Variants in INPP4B observed in about 807,000 individuals in gnomAD.
INPP4B encodes inositol polyphosphate 4-phosphatase type II.
A neutral mutation model predicts 122.5 loss-of-function variants in INPP4B; 55 were observed. That is an observed-to-expected ratio of 0.45 (90% CI 0.36 to 0.56). The LOEUF (loss-of-function observed/expected upper bound fraction) is 0.56. INPP4B is among the 20% of genes least tolerant of loss of function. The pLI, the probability that INPP4B is intolerant of heterozygous loss-of-function variation, is 0.00. For missense variants in INPP4B, 1,000 were observed against 1,097.7 expected, an observed-to-expected ratio of 0.91 and a Z score of 1.26; for synonymous variants, 403 against 388.7, an observed-to-expected ratio of 1.04 and a Z score of -0.43.
chr4:142,279,934 T>A (rs1750398216), intron 9 of INPP4B, among the ~76,000 whole-genome samples: 1 of 151,798 alleles, frequency 6.6e-6, no homozygotes, highest in Non-Finnish European at 1.5e-5. Context: ...TAATCAATGA[T>A]CCAAACACTT....
At chr4:142,568,246 C>T (rs779670180) in intron 2 of INPP4B, among the ~76,000 whole-genome samples, 17 of 151,414 alleles carry the variant, frequency 1.1e-4, no homozygotes, top group Non-Finnish European at 2.1e-4. Context: ...TTTCTCAAGT[C>T]GTTTCTTTCG....
chr4:142,844,413 T>G (rs1783932099), intron 1 of INPP4B, among the ~76,000 whole-genome samples: 1 of 152,206 alleles, frequency 6.6e-6, no homozygotes, highest in South Asian at 2.1e-4. Context: ...TTTCATAACC[T>G]TTCAAGGACA....
At chr4:142,151,283 C>A (rs1265199913) in intron 17 of INPP4B, among the ~76,000 whole-genome samples, 1 of 152,118 alleles carries the variant, frequency 6.6e-6, no homozygotes, top group South Asian at 2.1e-4. Context: ...TTCTTTCACA[C>A]ACACACACCA....
rs1560863209 is a variant in INPP4B at position 142,028,835 on chromosome 4, A to C, written c.2722T>G (p.Phe908Val). ...YAFNMLQLMAFPKYYRPPEGT... is the reference protein window; with the variant it reads ...YAFNMLQLMAVPKYYRPPEGT... ...TCTGGAGGTCTGTAGTACTTGGGGA[A>C]AGCCATCAGCTGTAGCATGTTGAAA... The change falls in exon 26 of 26, where the codon TTC (phenylalanine) becomes GTC (valine). Residue 908 changes from phenylalanine to valine, a missense_variant. Transcript: ENST00000262992. 2 of 1,613,634 alleles carry C rather than the reference A, an allele frequency of 1.2e-6. No homozygotes were observed. Among genetic ancestry groups the C allele is most frequent in the Non-Finnish European group, 1.7e-6 (2 of 1,179,704 alleles).
chr4:142,106,100 T>C (rs1195152930), intron 23 of INPP4B, among the ~76,000 whole-genome samples: 1 of 152,166 alleles, frequency 6.6e-6, no homozygotes, highest in Non-Finnish European at 1.5e-5. Context: ...TAGAATTGTC[T>C]CAAAAATACA....
rs559873916 is a variant in INPP4B at position 142,749,270 on chromosome 4, A to G, written c.-253-23369T>C. Among the ~76,000 whole-genome samples, 37 of 147,090 alleles carry G rather than the reference A, an allele frequency of 2.5e-4. No individual in the cohort carries two copies. The South Asian group carries it at 7.1e-3, about 28-fold the overall frequency. On this transcript the variant is annotated intron_variant, in intron 1 of 25. Transcript: ENST00000262992. ...TGTCTTACCATATATAATATATATT[A>G]TATAATGTCTTACCATATATATATA...
intron 16 of INPP4B, among the ~76,000 whole-genome samples, chr4:142,166,429 T>C (rs1822767734): frequency 6.6e-6 from 1 of 151,710 alleles, no homozygotes; most frequent in African/African-American, 2.4e-5. Context: ...CCCAAAACTA[T>C]AAAAACCCTA....
At chr4:142,443,836 GA>G in intron 3 of INPP4B, among the ~76,000 whole-genome samples, 1 of 152,044 alleles carries the variant, frequency 6.6e-6, no homozygotes, top group Non-Finnish European at 1.5e-5. Context: ...AAGAAGAGAA[GA>G]AGATAAAGGA....
At position 142,510,133 on chromosome 4, in the gene INPP4B, A is replaced by G. The variant is rs559222909; in HGVS notation, c.-190-47407T>C. Among the ~76,000 whole-genome samples, 6 of 152,220 alleles carry G rather than the reference A, an allele frequency of 3.9e-5. No individual in the cohort carries two copies. In the South Asian group the frequency reaches 6.2e-4, roughly 16 times the overall value. The stretch of plus-strand genomic sequence containing the variant: ...AATCAACATGAAGGTATTTCCTAGT[A>G]AGAATCTAATTAGATGTTTAATTTT... On this transcript the variant is annotated intron_variant, in intron 2 of 25. Transcript: ENST00000262992.
intron 12 of INPP4B, among the ~76,000 whole-genome samples, chr4:142,213,483 A>G (rs1299178995): frequency 2.0e-5 from 3 of 152,168 alleles, no homozygotes; most frequent in African/African-American, 7.2e-5. Flanking sequence ...GGTCTATTGC[A>G]CAAACCCTGG....
At chr4:142,705,458 AACACACACACACAC>A (rs56300337) in intron 2 of INPP4B, among the ~76,000 whole-genome samples, 1 of 146,306 alleles carries the variant, frequency 6.8e-6, no homozygotes, top group Non-Finnish European at 1.5e-5. Context: ...TCCCACCCCA[AACACACACACACAC>A]ACACACACAC....
intron 1 of INPP4B, among the ~76,000 whole-genome samples, chr4:142,763,556 T>C (rs962028002): frequency 2.0e-5 from 3 of 152,094 alleles, no homozygotes; most frequent in African/African-American, 7.2e-5. Flanking sequence ...AAACTGAGCT[T>C]GACAATTACA....
At chr4:142,261,671 C>T (rs553186584) in intron 10 of INPP4B, among the ~76,000 whole-genome samples, 19 of 152,146 alleles carry the variant, frequency 1.2e-4, no homozygotes, top group Non-Finnish European at 2.6e-4. Flanking sequence ...ACCTCTCCTT[C>T]CCCAGGCACT....
intron 1 of INPP4B, among the ~76,000 whole-genome samples, chr4:142,744,219 G>T (rs756720762): frequency 6.6e-6 from 1 of 151,890 alleles, no homozygotes; most frequent in African/African-American, 2.4e-5. Context: ...GCCAGAAATA[G>T]TAGAAGAGTC....
At chr4:142,398,254 T>G (rs982930342) in intron 7 of INPP4B, among the ~76,000 whole-genome samples, 10 of 150,006 alleles carry the variant, frequency 6.7e-5, no homozygotes, top group Non-Finnish European at 1.2e-4. Context: ...GGCGGGCGCC[T>G]GTAGTCCCAG....
chr4:142,828,350 G>A (rs1057191814), intron 1 of INPP4B, among the ~76,000 whole-genome samples: 1 of 152,066 alleles, frequency 6.6e-6, no homozygotes, highest in African/African-American at 2.4e-5. Flanking sequence ...GTCCATAAAA[G>A]CTGGGCTGGA....
intron 7 of INPP4B, among the ~76,000 whole-genome samples, chr4:142,337,724 T>TATTATATATA (rs1561881778): frequency 1.4e-5 from 2 of 138,766 alleles, no homozygotes; most frequent in Non-Finnish European, 3.1e-5. Context: ...ATAATATATA[T>TATTATATATA]TTTATATATA....
intron 2 of INPP4B, among the ~76,000 whole-genome samples, chr4:142,538,718 G>A (rs1046965392): frequency 1.3e-5 from 2 of 152,086 alleles, no homozygotes; most frequent in African/African-American, 4.8e-5. Context: ...AATATAAGTA[G>A]TGGGTATTTA....
chr4:142,684,628 TA>T (rs1227467345), intron 2 of INPP4B, among the ~76,000 whole-genome samples: 2 of 152,048 alleles, frequency 1.3e-5, no homozygotes, highest in Non-Finnish European at 2.9e-5. Context: ...AATTTAAAAA[TA>T]AAAAAGCCAA....
Sources: allele counts gnomAD v4.1 joint callset (sites outside exome capture counted in the v4.1 genomes callset), GRCh38; gene constraint gnomAD v4.1.1; transcripts MANE v1.5; gene names NCBI Gene and HGNC (gene_info 2026-07-23, HGNC 2026-07-21).